The following HEXD variants were observed in gnomAD, a reference collection of about 807,000 sequenced individuals.
HEXD encodes the protein hexosaminidase D.
Under a neutral mutation model 54.2 loss-of-function variants are expected in HEXD, and 47 were observed. That is an observed-to-expected ratio of 0.87 (90% CI 0.69 to 1.11). The LOEUF is 1.11. Ranked by LOEUF, HEXD falls within the 50% of genes least tolerant of loss-of-function variation. HEXD has a pLI of 0.00. For missense variants in HEXD, 576 were observed against 649.2 expected (o/e 0.89, Z 1.23); for synonymous variants, 293 against 287.6 (o/e 1.02, Z -0.19).
At chr17:82,439,942 C>A (rs1260300573) in intron 9 of HEXD, 3 of 1,509,286 alleles carry the variant, frequency 2.0e-6, no homozygotes, top group Admixed American at 4.0e-5. Context: ...TGGAGAGTGA[C>A]GCGGGAGGCA....
rs200593934 is a variant in HEXD at position 82,435,835 on chromosome 17, C to T, written c.594C>T (p.Asp198=). The T allele has an allele frequency of 1.7e-5, 27 of 1,611,308 alleles. No homozygotes were observed. The African/African-American group carries it at 2.7e-4, about 16-fold the overall frequency. Residue 198 remains aspartate (D), a synonymous_variant, in exon 6 of 13, where the codon GAC becomes GAT. Coordinates refer to ENST00000327949, the MANE Select transcript of HEXD (RefSeq NM_001330542.2). ...CCAGCGTGACACCCCTGGTGTGGGA[C>T]GACATGCTCCGAGACCTGCCTGAGG... The part of the protein sequence containing the change: ...RRPSVTPLVW[D]DMLRDLPEDQ...
rs753256682 is a variant in HEXD, at chr17:82,419,772, G to A, written c.-28G>A. Reference sequence around the variant, plus strand: ...AGGAAGAAGTCCCCAAGGAGACTTCGCCATAGGAGTTCACAGGAAATATTG... The same window carrying A: ...AGGAAGAAGTCCCCAAGGAGACTTCACCATAGGAGTTCACAGGAAATATTG... On this transcript the variant is annotated 5_prime_UTR_variant, in exon 2 of 13. Transcript: ENST00000327949. 16 of 1,477,462 alleles carry A rather than the reference G, an allele frequency of 1.1e-5. No individual in the cohort carries two copies. Among genetic ancestry groups the A allele is most frequent in the East Asian group, 2.3e-5 (1 of 43,728 alleles). 91.5% of individuals were successfully genotyped at this position (1,477,462 alleles called of 1,614,324 possible). A position where few individuals can be genotyped will look rare whatever the true frequency, so the allele number is the denominator to read the frequency against.
At chr17:82,437,451 C>T in intron 8 of HEXD, 88 bp downstream of exon 8, 1 of 1,223,024 alleles carries the variant, frequency 8.2e-7, no homozygotes, top group Non-Finnish European at 1.1e-6. Flanking sequence ...CAAGGGCCTT[C>T]CCAGGTTGGT....
chr17:82,441,826 A>C lies in HEXD; in HGVS notation c.1190A>C (p.Tyr397Ser), dbSNP rs1599762946. 6.2e-7 allele frequency: 1 copy of C among 1,612,818 alleles called. No homozygotes were observed. Among genetic ancestry groups the C allele is most frequent in the South Asian group, 1.1e-5 (1 of 91,084 alleles). ...TATGTCACTGGCTGGTTCAGCCCCT[A>C]CCACCGCCAGCGGAAGCTCATCCAC... Reference protein sequence around the residue: ...NRYVTGWFSPYHRQRKLIHPV... With the variant: ...NRYVTGWFSPSHRQRKLIHPV... The change falls in exon 12 of 13, where the codon TAC (tyrosine) becomes TCC (serine). Residue 397 changes from tyrosine to serine, a missense_variant. Physicochemically the swap from Tyr to Ser is moderately radical, Grantham distance 144. Transcript: ENST00000327949.
intron 4 of HEXD, among the ~76,000 whole-genome samples, chr17:82,433,113 TATATATATATATATA>T (rs1237086045): frequency 0.061 from 953 of 15,666 alleles, 222 homozygotes; most frequent in African/African-American, 0.34. Context: ...TATATATATA[TATATATATATATATA>T]TTTTTTTTTT....
At chr17:82,427,310 TAATAAATAA>T (rs937845635) in intron 3 of HEXD, 3 of 151,972 alleles carry the variant, frequency 2.0e-5, no homozygotes, top group African/African-American at 7.2e-5. Flanking sequence ...CTCAAAATAA[TAATAAATAA>T]AATAAATGAA....
rs762358554 is a variant in HEXD, at chr17:82,442,546, G to A, written c.*162G>A. On this transcript the variant is annotated 3_prime_UTR_variant, in exon 13 of 13. Transcript: ENST00000327949. The surrounding 1 kb of genome is among the most constrained non-coding windows in gnomAD (Gnocchi z 6.8). The stretch of plus-strand genomic sequence containing the variant: ...GGCCCTGGGCAGCCCCTGGGGGAGA[G>A]ACTAGAAAACACAGAAGGAAGCAGC... The A allele has an allele frequency of 1.8e-5, 28 of 1,586,052 alleles. No homozygotes were observed. Among genetic ancestry groups the A allele is most frequent in the Non-Finnish European group, 2.3e-5 (27 of 1,157,342 alleles).
chr17:82,418,432 G>T lies in HEXD; in HGVS notation c.-360G>T, dbSNP rs1489621553. ...GCTACCTGCTCCGGTTCCGGCGCTC[G>T]GCCGCTCCGTTGCCCTCGGGCGCCT... On this transcript the variant is annotated 5_prime_UTR_variant, in exon 1 of 13. Coordinates refer to ENST00000327949, the MANE Select transcript of HEXD (RefSeq NM_001330542.2). 1.4e-6 allele frequency: 2 copies of T among 1,478,834 alleles called. No individual in the cohort carries two copies. The highest frequency in any genetic ancestry group is 5.9e-5 in the East Asian group (2 of 33,784). The allele number at this position is 1,478,834 out of a possible 1,614,324, so 91.6% of individuals were successfully genotyped here.
intron 10 of HEXD, 32 bp downstream of exon 10, chr17:82,441,107 C>T: frequency 6.2e-7 from 1 of 1,613,596 alleles, no homozygotes; most frequent in Non-Finnish European, 8.5e-7. Flanking sequence ...CTGTCCCCTT[C>T]TTCCCCTCCC....
chr17:82,430,165 T>C (rs1235469973), intron 4 of HEXD, among the ~76,000 whole-genome samples: 1 of 152,030 alleles, frequency 6.6e-6, no homozygotes, highest in African/African-American at 2.4e-5. Context: ...CGTGCCCCTC[T>C]CCCCACCACA....
At chr17:82,425,418 G>T in intron 3 of HEXD, 1 of 166,094 alleles carries the variant, frequency 6.0e-6, no homozygotes, top group Non-Finnish European at 1.3e-5. Flanking sequence ...GAAGGCTGGA[G>T]GATGCTGGAG....
chr17:82,435,677 C>T lies in HEXD; in HGVS notation c.448-12C>T. 1.2e-6 allele frequency: 2 copies of T among 1,604,992 alleles called. No individual in the cohort carries two copies. Among genetic ancestry groups the T allele is most frequent in the Non-Finnish European group, 1.7e-6 (2 of 1,173,634 alleles). Reference sequence around the variant, plus strand: ...GCTGCCAAGGCAACCCCGTCCTGCTCCTTCCTTGCAGGTCTATTACCTCGG... The same window carrying T: ...GCTGCCAAGGCAACCCCGTCCTGCTTCTTCCTTGCAGGTCTATTACCTCGG... On this transcript the variant is annotated splice_polypyrimidine_tract_variant and intron_variant, in intron 5 of 12. Coordinates refer to ENST00000327949, the MANE Select transcript of HEXD (RefSeq NM_001330542.2).
intron 8 of HEXD, among the ~76,000 whole-genome samples, chr17:82,439,134 G>C (rs1425654454): frequency 6.6e-6 from 1 of 152,236 alleles, no homozygotes; most frequent in African/African-American, 2.4e-5. Context: ...CCCCTGACCT[G>C]CTGCCTGCCA....
In HEXD at chr17:82,433,648, C is replaced by T; in HGVS notation, c.283-10C>T. On this transcript the variant is annotated splice_polypyrimidine_tract_variant and intron_variant, in intron 4 of 12. Coordinates refer to ENST00000327949, the MANE Select transcript of HEXD (RefSeq NM_001330542.2). Reference sequence around the variant, plus strand: ...CCGCCCCCAACGCGAACTTCTCTGTCTCTCCGCAGTTTGTGCTGAAGCACA... The same window carrying T: ...CCGCCCCCAACGCGAACTTCTCTGTTTCTCCGCAGTTTGTGCTGAAGCACA... The T allele has an allele frequency of 1.3e-6, 2 of 1,561,420 alleles. No homozygotes were observed. Among genetic ancestry groups the T allele is most frequent in the South Asian group, 1.2e-5 (1 of 83,370 alleles).
Position 82,434,794 on chromosome 17 carries a change from C to T in HEXD, c.448-895C>T, listed in dbSNP as rs562910288. On this transcript the variant is annotated intron_variant, in intron 5 of 12. Transcript: ENST00000327949. This position sits in a 1 kb window ranked among gnomAD's most constrained non-coding sequence, Gnocchi z 4.5. ...TGAAGGTTGCAGTGAGCTGAGATCA[C>T]GCCACTGCATACCAGCCTGGGCAAC... Among the ~76,000 whole-genome samples the T allele has an allele frequency of 1.4e-5, 2 of 148,126 alleles. No individual in the cohort carries two copies. The highest frequency in any genetic ancestry group is 2.1e-4 in the East Asian group (1 of 4,858).
chr17:82,437,380 CT>C lies in HEXD; in HGVS notation c.899+18del. 1 of 1,570,494 alleles carries C rather than the reference CT, an allele frequency of 6.4e-7. No individual in the cohort carries two copies. Among genetic ancestry groups the C allele is most frequent in the Non-Finnish European group, 8.6e-7 (1 of 1,156,260 alleles). Reference sequence around the variant, plus strand: ...CTGGCAGAGGTAAGTCCTGGCCAGTCTGTCCTCAGAGGGTCCAGGGCAGCTC... The same window carrying C: ...CTGGCAGAGGTAAGTCCTGGCCAGTCGTCCTCAGAGGGTCCAGGGCAGCTC... On this transcript the variant is annotated intron_variant, in intron 8 of 12. Coordinates refer to ENST00000327949, the MANE Select transcript of HEXD (RefSeq NM_001330542.2).
intron 4 of HEXD, among the ~76,000 whole-genome samples, chr17:82,432,412 A>G (rs1419558430): frequency 2.0e-5 from 3 of 151,996 alleles, no homozygotes; most frequent in African/African-American, 7.2e-5. Flanking sequence ...GCGCCCCCAC[A>G]AGGGGTGGGT....
intron 8 of HEXD, among the ~76,000 whole-genome samples, chr17:82,438,411 C>T (rs946079615): frequency 1.3e-5 from 2 of 152,146 alleles, no homozygotes; most frequent in African/African-American, 4.8e-5. Context: ...CTAAGCACTT[C>T]CTCAGCTGTA....
Position 82,434,315 on chromosome 17 carries a change from A to T in HEXD, c.447+493A>T, listed in dbSNP as rs1335361141. 6.6e-6 allele frequency among the ~76,000 whole-genome samples: 1 copy of T among 152,140 alleles called. No individual in the cohort carries two copies. The highest frequency in any genetic ancestry group is 1.9e-4 in the East Asian group (1 of 5,198). On this transcript the variant is annotated intron_variant, in intron 5 of 12. Coordinates refer to ENST00000327949, the MANE Select transcript of HEXD (RefSeq NM_001330542.2). The surrounding 1 kb of genome is among the most constrained non-coding windows in gnomAD (Gnocchi z 4.5). ...GCCAGAGATGTGCCCCCTCCAACCC[A>T]GTGAGCCCCCACCCTTGCCCCTCCT...
Sources: gnomAD v4.1 joint callset for allele counts (sites outside exome capture counted in the v4.1 genomes callset) on GRCh38, gnomAD v4.1.1 for gene constraint, Gnocchi (gnomAD v3.1) non-coding constraint, MANE v1.5 for transcripts, NCBI Gene and HGNC (gene_info 2026-07-23, HGNC 2026-07-21) for gene names.